Variants in FER observed in about 807,000 individuals in gnomAD.
FER encodes the protein FER tyrosine kinase.
In FER, 63 loss-of-function variants were observed where a neutral mutation model predicts 111.0. That is an observed-to-expected ratio of 0.57 (90% confidence interval 0.46 to 0.70). The LOEUF is 0.70. Ranked by LOEUF, FER falls within the 30% of genes least tolerant of loss-of-function variation. The probability of loss-of-function intolerance (pLI) is 0.00; values close to 1 mark genes in which losing one functional copy is unlikely to be tolerated. For synonymous variants in FER, 327 were observed against 313.9 expected (o/e 1.04, Z -0.44); for missense variants, 914 against 954.0 (o/e 0.96, Z 0.55).
At chr5:108,960,283 A>G (rs1758968963) in intron 13 of FER, among the ~76,000 whole-genome samples, 1 of 152,142 alleles carries the variant, frequency 6.6e-6, no homozygotes, top group African/African-American at 2.4e-5. Flanking sequence ...GGGATATAAT[A>G]TCTATATTTG....
chr5:109,035,039 T>C (rs1770177269), intron 13 of FER, among the ~76,000 whole-genome samples: 1 of 148,752 alleles, frequency 6.7e-6, no homozygotes, highest in Non-Finnish European at 1.5e-5. Flanking sequence ...TGAACTTTTT[T>C]TTTTTTTTTT....
chr5:108,989,826 C>T (rs1050727427), intron 13 of FER, among the ~76,000 whole-genome samples: 46 of 151,930 alleles, frequency 3.0e-4, no homozygotes, highest in African/African-American at 1.1e-3. Flanking sequence ...TACATTAATA[C>T]AAAATAGTAT....
chr5:108,998,090 C>T (rs368993456), intron 13 of FER, among the ~76,000 whole-genome samples: 3 of 151,068 alleles, frequency 2.0e-5, no homozygotes, highest in Admixed American at 6.6e-5. Flanking sequence ...TGGGACCTGC[C>T]GTACCAGACC....
chr5:109,141,237 T>C (rs1753491587), intron 17 of FER, among the ~76,000 whole-genome samples: 1 of 152,234 alleles, frequency 6.6e-6, no homozygotes, highest in Non-Finnish European at 1.5e-5. Flanking sequence ...TCTCAATTTT[T>C]TATAAGCCAT....
At chr5:108,808,134 C>A (rs1757388641) in intron 3 of FER, among the ~76,000 whole-genome samples, 1 of 151,670 alleles carries the variant, frequency 6.6e-6, no homozygotes, top group Non-Finnish European at 1.5e-5. Context: ...TCTATTAGAT[C>A]CAGTTGGTCA....
At chr5:108,849,127 T>C (rs1380554986) in intron 5 of FER, among the ~76,000 whole-genome samples, 1 of 152,166 alleles carries the variant, frequency 6.6e-6, no homozygotes, top group Non-Finnish European at 1.5e-5. Context: ...GTTGTAAGTT[T>C]TTTATTAAAG....
chr5:109,046,910 C>T (rs1772068237), intron 15 of FER, among the ~76,000 whole-genome samples, 194 bp from the exon 16 acceptor site: 1 of 152,058 alleles, frequency 6.6e-6, no homozygotes, highest in Admixed American at 6.6e-5. Context: ...GTCCTGGAAC[C>T]AGTCTCCTAC....
intron 11 of FER, among the ~76,000 whole-genome samples, chr5:108,951,162 G>A (rs1757686271): frequency 6.6e-6 from 1 of 152,058 alleles, no homozygotes; most frequent in Admixed American, 6.6e-5. Context: ...TACTCGGGAG[G>A]CTGAGGCAGG....
intron 3 of FER, among the ~76,000 whole-genome samples, chr5:108,826,926 A>G (rs1759532193): frequency 1.3e-5 from 2 of 152,068 alleles, no homozygotes; most frequent in African/African-American, 2.4e-5. Context: ...CAGTTTCTCA[A>G]TGTTATGGTG....
chr5:108,886,644 A>G (rs1747217168), intron 9 of FER, among the ~76,000 whole-genome samples: 2 of 151,524 alleles, frequency 1.3e-5, no homozygotes, highest in African/African-American at 4.8e-5. Context: ...TTTTGATCAT[A>G]TTATTTGCTT....
At chr5:109,070,698 G>A (rs773947608) in intron 16 of FER, among the ~76,000 whole-genome samples, 1 of 151,872 alleles carries the variant, frequency 6.6e-6, no homozygotes. Context: ...AAGTAGAGAA[G>A]AAAATAAGTC....
intron 5 of FER, among the ~76,000 whole-genome samples, chr5:108,838,724 G>A (rs1244566921): frequency 6.6e-6 from 1 of 152,084 alleles, no homozygotes; most frequent in East Asian, 1.9e-4. Flanking sequence ...TATGAATTTA[G>A]CATCATTTTA....
intron 5 of FER, among the ~76,000 whole-genome samples, chr5:108,860,548 A>T (rs1175359518): frequency 6.6e-6 from 1 of 152,244 alleles, no homozygotes; most frequent in Non-Finnish European, 1.5e-5. Context: ...TGAGTAAAAA[A>T]GGTAGCTCCT....
At chr5:108,969,085 T>TCAA (rs1049864441) in intron 13 of FER, among the ~76,000 whole-genome samples, 1 of 152,166 alleles carries the variant, frequency 6.6e-6, no homozygotes, top group Admixed American at 6.5e-5. Context: ...GTATAAATTC[T>TCAA]CAACAACAAC....
At chr5:108,873,794 G>T (rs1764837711) in intron 8 of FER, among the ~76,000 whole-genome samples, 1 of 152,170 alleles carries the variant, frequency 6.6e-6, no homozygotes, top group African/African-American at 2.4e-5. Context: ...AGCCGTAGAT[G>T]CTGCTAAACG....
At chr5:109,066,114 C>A (rs1008545714) in intron 16 of FER, among the ~76,000 whole-genome samples, 3 of 152,058 alleles carry the variant, frequency 2.0e-5, no homozygotes, top group Admixed American at 6.6e-5. Context: ...TTTTTTAAGA[C>A]CTTTTTCTTC....
At chr5:109,168,316 G>T (rs1202547425) in intron 17 of FER, among the ~76,000 whole-genome samples, 1 of 152,040 alleles carries the variant, frequency 6.6e-6, no homozygotes, top group Non-Finnish European at 1.5e-5. Context: ...TGAGTTGACT[G>T]ACAGCTGGCA....
chr5:109,019,216 CCATT>C (rs749097104), intron 13 of FER, among the ~76,000 whole-genome samples: 29 of 151,734 alleles, frequency 1.9e-4, no homozygotes, highest in Admixed American at 3.3e-4. Flanking sequence ...GTTTTATACT[CCATT>C]AATTTCATTA....
At chr5:108,924,595 A>G (rs1753491862) in intron 10 of FER, 2 of 1,230,256 alleles carry the variant, frequency 1.6e-6, no homozygotes, top group Non-Finnish European at 2.0e-6. Flanking sequence ...TGCCTCACAC[A>G]GGAAGGTTTG....
Sources: gnomAD v4.1 joint callset for allele counts (sites outside exome capture counted in the v4.1 genomes callset) on GRCh38, gnomAD v4.1.1 for gene constraint, MANE v1.5 for transcripts, NCBI Gene and HGNC (gene_info 2026-07-23, HGNC 2026-07-21) for gene names.